CHST1: variants seen among roughly 807,000 people sequenced by gnomAD.
The protein encoded by CHST1 is Keratan sulfotransferase.
In CHST1, 10 loss-of-function variants were observed where a neutral mutation model predicts 22.5. The ratio of observed to expected loss-of-function variants is 0.44; its 90% CI spans 0.27 to 0.75. CHST1 has a LOEUF of 0.75. CHST1 is among the 30% of genes least tolerant of loss of function. The pLI is 0.15. For missense variants in CHST1, 439 were observed against 576.1 expected (o/e 0.76, Z 2.44); for synonymous variants, 267 against 264.5 (o/e 1.01, Z -0.09).
Position 45,647,848 on chromosome 11 carries a change from G to A in CHST1, c.*1840C>T, listed in dbSNP as rs1851937146. Among the ~76,000 whole-genome samples the A allele has an allele frequency of 6.6e-6, 1 of 152,218 alleles. No homozygotes were observed. The highest frequency in any genetic ancestry group is 1.9e-4 in the East Asian group (1 of 5,202). ...ATTAGTTAAGGCATTTGCTAGAGCT[G>A]TTGAACTGTCTACATCCTCCTGACA... On this transcript the variant is annotated 3_prime_UTR_variant, in exon 4 of 4. Transcript: ENST00000308064.
Position 45,649,020 on chromosome 11 carries a change from T to C in CHST1, c.*668A>G, listed in dbSNP as rs1469846387. On this transcript the variant is annotated 3_prime_UTR_variant, in exon 4 of 4. Coordinates refer to ENST00000308064, the MANE Select transcript of CHST1 (RefSeq NM_003654.6). ...GACCCCGAGATCAATCAGAAGCTCA[T>C]AAGATTCATCAGTCATCACTGGTCC... 6.6e-6 allele frequency: 1 copy of C among 151,280 alleles called. No individual in the cohort carries two copies. The highest frequency in any genetic ancestry group is 2.0e-4 in the East Asian group (1 of 5,126). 9.4% of individuals were successfully genotyped at this position (151,280 alleles called of 1,614,324 possible).
In CHST1 at chr11:45,650,188, T is replaced by C; in HGVS notation, c.736A>G (p.Thr246Ala). ...CAGAGCCGGTACGTGTCGCGGAAGGTCTCGCTGCGCGAAGCCAGAATGCCG... is the reference window on the plus strand; with the variant it reads ...CAGAGCCGGTACGTGTCGCGGAAGGCCTCGCTGCGCGAAGCCAGAATGCCG... ...PRGILASRSETFRDTYRLWRL... is the reference protein window; with the variant it reads ...PRGILASRSEAFRDTYRLWRL... The change falls in exon 4 of 4, where the codon ACC becomes GCC. Residue 246 changes from threonine to alanine, a missense_variant. Coordinates refer to ENST00000308064, the MANE Select transcript of CHST1 (RefSeq NM_003654.6). 1.2e-6 allele frequency: 2 copies of C among 1,612,336 alleles called. No homozygotes were observed. The highest frequency in any genetic ancestry group is 2.2e-5 in the South Asian group (2 of 91,072).
chr11:45,655,374 C>T (rs1350676359), intron 1 of CHST1, among the ~76,000 whole-genome samples: 3 of 152,252 alleles, frequency 2.0e-5, no homozygotes, highest in Non-Finnish European at 4.4e-5. Flanking sequence ...TCCTGCAGCT[C>T]CTCTCCCGGC....
Position 45,649,854 on chromosome 11 carries a change from G to A in CHST1, c.1070C>T (p.Ala357Val). 1 of 1,610,984 alleles carries A rather than the reference G, an allele frequency of 6.2e-7. No individual in the cohort carries two copies. The highest frequency in any genetic ancestry group is 8.5e-7 in the Non-Finnish European group (1 of 1,179,962). The change falls in exon 4 of 4, where the codon GCC (alanine) becomes GTC (valine). Residue 357 changes from alanine (A) to valine (V), a missense_variant. Transcript: ENST00000308064. ...GGAGAGGCGGAAGCGCCACTTCTCGGCCGTGGCCGCCGAGTTTCGCACGGT... is the reference window on the plus strand; with the variant it reads ...GGAGAGGCGGAAGCGCCACTTCTCGACCGTGGCCGCCGAGTTTCGCACGGT... ...YGTVRNSAAT[A>V]EKWRFRLSYD...
chr11:45,651,003 G>C, intron 3 of CHST1, 38 bp from the exon 4 acceptor site: 1 of 1,432,254 alleles, frequency 7.0e-7, no homozygotes, highest in Non-Finnish European at 9.3e-7. Flanking sequence ...GTGCCTCCAC[G>C]GCGGGGGCAC....
At chr11:45,664,367 C>T (rs893671821) in intron 1 of CHST1, among the ~76,000 whole-genome samples, 1 of 152,184 alleles carries the variant, frequency 6.6e-6, no homozygotes, top group African/African-American at 2.4e-5. Context: ...AAGAGGAAGC[C>T]GGCCCCAGAG....
chr11:45,661,289 G>C (rs1351590831), intron 1 of CHST1, among the ~76,000 whole-genome samples: 3 of 152,250 alleles, frequency 2.0e-5, no homozygotes, highest in Non-Finnish European at 4.4e-5. Context: ...GTCTGGGAGT[G>C]GGGGCAGGGC....
In CHST1 at chr11:45,649,185, AG is replaced by A; in HGVS notation, c.*502del. 1 of 154,020 alleles carries A rather than the reference AG, an allele frequency of 6.5e-6. No homozygotes were observed. Among genetic ancestry groups the A allele is most frequent in the South Asian group, 2.1e-4 (1 of 4,844 alleles). 9.5% of individuals were successfully genotyped at this position (154,020 alleles called of 1,614,324 possible). ...AGGAGGGGGCAGTTTCGCTGCTCTA[AG>A]GGGGGAAATGGGCGTCAGGGGCAGG... is the stretch of plus-strand genomic sequence containing the variant. On this transcript the variant is annotated 3_prime_UTR_variant, in exon 4 of 4. Transcript: ENST00000308064.
intron 1 of CHST1, among the ~76,000 whole-genome samples, chr11:45,664,280 C>G (rs554921879): frequency 1.3e-5 from 2 of 152,344 alleles, no homozygotes; most frequent in East Asian, 3.9e-4. Flanking sequence ...CCGGCCCAAG[C>G]CCGTCTTCAG....
chr11:45,656,841 G>A (rs1422969310), intron 1 of CHST1, among the ~76,000 whole-genome samples: 1 of 151,966 alleles, frequency 6.6e-6, no homozygotes, highest in East Asian at 1.9e-4. Context: ...ACTAAGGACA[G>A]TAGGCAGCTG....
intron 1 of CHST1, among the ~76,000 whole-genome samples, chr11:45,653,437 C>T (rs1852023676): frequency 6.6e-6 from 1 of 152,184 alleles, no homozygotes; most frequent in African/African-American, 2.4e-5. Context: ...CTGCATCCCA[C>T]CCCGACCTCA....
At position 45,649,414 on chromosome 11, in the gene CHST1, C is replaced by T. The variant is rs1317268260; in HGVS notation, c.*274G>A. 2.1e-6 allele frequency: 1 copy of T among 471,338 alleles called. No homozygotes were observed. Among genetic ancestry groups the T allele is most frequent in the South Asian group, 4.5e-5 (1 of 22,456 alleles). The allele number at this position is 471,338 out of a possible 1,614,324, so 29.2% of individuals were successfully genotyped here. On this transcript the variant is annotated 3_prime_UTR_variant, in exon 4 of 4. Transcript: ENST00000308064. ...AATGTGGTGCTTGTAAACATTGTCA[C>T]CGTCCGCACAGAGACCCAACATCCA...
At chr11:45,654,569 G>A (rs1483812471) in intron 1 of CHST1, among the ~76,000 whole-genome samples, 1 of 152,232 alleles carries the variant, frequency 6.6e-6, no homozygotes, top group Non-Finnish European at 1.5e-5. Context: ...AGGTCCTGTT[G>A]TTCCCAAGGA....
intron 1 of CHST1, among the ~76,000 whole-genome samples, chr11:45,660,996 C>T (rs1852125430): frequency 6.6e-6 from 1 of 152,258 alleles, no homozygotes; most frequent in South Asian, 2.1e-4. Flanking sequence ...CCTGTGCCCC[C>T]ATGTGGCACC....
intron 1 of CHST1, among the ~76,000 whole-genome samples, chr11:45,659,410 T>A (rs989875933): frequency 6.6e-6 from 1 of 152,062 alleles, no homozygotes; most frequent in Non-Finnish European, 1.5e-5. Flanking sequence ...TTGGTGCCGA[T>A]CTCGATCACA....
intron 1 of CHST1, among the ~76,000 whole-genome samples, chr11:45,656,241 A>G (rs1469630025): frequency 1.3e-5 from 2 of 152,208 alleles, no homozygotes; most frequent in African/African-American, 4.8e-5. Context: ...AACCTCTGAA[A>G]GCCCAAGCTT....
chr11:45,657,146 C>G (rs1050850594), intron 1 of CHST1, among the ~76,000 whole-genome samples: 3 of 152,146 alleles, frequency 2.0e-5, no homozygotes, highest in African/African-American at 7.2e-5. Flanking sequence ...GAGGGAGGAG[C>G]TGGCGAACAG....
Position 45,648,775 on chromosome 11 carries a change from C to T in CHST1, c.*913G>A, listed in dbSNP as rs1851949840. The stretch of plus-strand genomic sequence containing the variant: ...AAAGGCAGACTTGTCATTTAATTCC[C>T]ACCTCCACCTCTCTCTCGCTGTCCT... On this transcript the variant is annotated 3_prime_UTR_variant, in exon 4 of 4. Coordinates refer to ENST00000308064, the MANE Select transcript of CHST1 (RefSeq NM_003654.6). The T allele has an allele frequency of 6.6e-6, 1 of 152,378 alleles. No homozygotes were observed. The highest frequency in any genetic ancestry group is 2.1e-4 in the South Asian group (1 of 4,832). The allele number at this position is 152,378 out of a possible 1,614,324, so 9.4% of individuals were successfully genotyped here. A position where few individuals can be genotyped will look rare whatever the true frequency, so the allele number is the denominator to read the frequency against.
rs1297920077 is a variant in CHST1, at chr11:45,665,019, C to A, written c.-227+159G>T. ...CCCGGCAGCCCCTTCCTGCGCCCAA[C>A]ACGCCGCCGTTCCTCGCCGCCGCCA... On this transcript the variant is annotated intron_variant, in intron 1 of 3. Transcript: ENST00000308064. The surrounding 1 kb of genome is among the most constrained non-coding windows in gnomAD (Gnocchi z 4.0). Among the ~76,000 whole-genome samples, 1 of 152,112 alleles carries A rather than the reference C, an allele frequency of 6.6e-6. No homozygotes were observed. The highest frequency in any genetic ancestry group is 1.5e-5 in the Non-Finnish European group (1 of 67,988).
Sources: allele counts gnomAD v4.1 joint callset (sites outside exome capture counted in the v4.1 genomes callset), GRCh38; gene constraint gnomAD v4.1.1; non-coding constraint Gnocchi (gnomAD v3.1); transcripts MANE v1.5; gene names NCBI Gene and HGNC (gene_info 2026-07-23, HGNC 2026-07-21).